ADGRB1: variants seen among roughly 807,000 people sequenced by gnomAD.
ADGRB1 encodes the protein brain-specific angiogenesis inhibitor 1.
ADGRB1 carries 36 observed loss-of-function variants against 175.7 expected under a neutral mutation model. The observed-to-expected ratio is 0.20, with a 90% CI of 0.16 to 0.27. The LOEUF (loss-of-function observed/expected upper bound fraction) is 0.27, where lower values mean the gene tolerates loss of function less well. ADGRB1 is among the 10% of genes least tolerant of loss of function. The pLI, the probability that ADGRB1 is intolerant of heterozygous loss-of-function variation, is 1.00. For synonymous variants in ADGRB1, 1,054 were observed against 979.4 expected (o/e 1.08, Z -1.42); for missense variants, 1,731 against 2,255.3 (o/e 0.77, Z 4.71).
intron 24 of ADGRB1, among the ~76,000 whole-genome samples, chr8:142,531,387 C>T (rs1844614298): frequency 6.6e-6 from 1 of 152,206 alleles, no homozygotes; most frequent in African/African-American, 2.4e-5. Flanking sequence ...GCTGCTGCAG[C>T]CTGGAGGGAG....
At chr8:142,518,548 A>C (rs9802172) in intron 19 of ADGRB1, among the ~76,000 whole-genome samples, 152,312 of 152,312 alleles carry the variant, frequency 1, 76,156 homozygotes, top group Non-Finnish European at 1. Context: ...ACCCTTAGGC[A>C]TGCAGGCCAG....
At chr8:142,488,675 G>A (rs562374091) in intron 14 of ADGRB1, among the ~76,000 whole-genome samples, 168 bp downstream of exon 14, 2 of 152,292 alleles carry the variant, frequency 1.3e-5, no homozygotes, top group South Asian at 2.1e-4. Context: ...CAGGGCCTGC[G>A]GATCAACCCT....
intron 16 of ADGRB1, among the ~76,000 whole-genome samples, chr8:142,490,273 C>T (rs895836885): frequency 6.6e-6 from 1 of 152,240 alleles, no homozygotes; most frequent in African/African-American, 2.4e-5. Context: ...ACCTGAGAGC[C>T]ACCCTCAGGA....
intron 23 of ADGRB1, among the ~76,000 whole-genome samples, chr8:142,524,925 G>A (rs56305277): frequency 6.6e-6 from 1 of 152,060 alleles, no homozygotes; most frequent in Non-Finnish European, 1.5e-5. Context: ...CCAGCTCTGA[G>A]CCCACTCAGC....
Position 142,542,555 on chromosome 8 carries a change from G to T in ADGRB1, c.4321G>T (p.Asp1441Tyr). ...GGAGCCGGCACCCCCCAGCCTGGGG[G>T]ATCCCGGGGAGCCTGCCGCCCATCC... The part of the protein sequence containing the change: ...NLEPAPPSLG[D>Y]PGEPAAHPGP... Residue 1441 changes from aspartate (D) to tyrosine (Y), a missense_variant, in exon 28 of 31, where the codon GAT becomes TAT. Asp to Tyr is a radical substitution (Grantham distance 160). Coordinates refer to ENST00000517894, the MANE Select transcript of ADGRB1 (RefSeq NM_001702.3). The surrounding 1 kb of genome is among the most constrained non-coding windows in gnomAD (Gnocchi z 6.3). 1 of 1,524,636 alleles carries T rather than the reference G, an allele frequency of 6.6e-7. No individual in the cohort carries two copies. 94.4% of individuals were successfully genotyped at this position (1,524,636 alleles called of 1,614,324 possible).
intron 22 of ADGRB1, among the ~76,000 whole-genome samples, chr8:142,523,456 C>G (rs1023002950): frequency 2.6e-5 from 4 of 151,798 alleles, no homozygotes; most frequent in Non-Finnish European, 5.9e-5. Context: ...GGATGTGGCA[C>G]CCCCTTGGAG....
chr8:142,526,692 C>T (rs563815904), intron 24 of ADGRB1, 65 bp downstream of exon 24: 591 of 1,483,898 alleles, frequency 4.0e-4, no homozygotes, highest in Non-Finnish European at 5.1e-4. Context: ...CACCCAGCCC[C>T]GGGGGATGGA....
chr8:142,540,961 C>CCT (rs1845236732), intron 27 of ADGRB1, among the ~76,000 whole-genome samples: 1 of 152,060 alleles, frequency 6.6e-6, no homozygotes, highest in Non-Finnish European at 1.5e-5. Flanking sequence ...CCTGGCTAGG[C>CCT]AGCTTGGGGG....
intron 1 of ADGRB1, among the ~76,000 whole-genome samples, chr8:142,454,459 C>T (rs1269888142): frequency 1.3e-5 from 2 of 152,174 alleles, no homozygotes; most frequent in Admixed American, 1.3e-4. Context: ...ACACGGCACC[C>T]CCGCCCCGCG....
chr8:142,521,741 A>G (rs1012552869), intron 20 of ADGRB1, among the ~76,000 whole-genome samples: 4 of 152,224 alleles, frequency 2.6e-5, no homozygotes, highest in Non-Finnish European at 4.4e-5. Flanking sequence ...GCTGAGAAAG[A>G]TGGGGAGGGA....
At chr8:142,514,863 A>G (rs1384615410) in intron 18 of ADGRB1, among the ~76,000 whole-genome samples, 1 of 151,912 alleles carries the variant, frequency 6.6e-6, no homozygotes, top group Non-Finnish European at 1.5e-5. Flanking sequence ...TCAGAGTATG[A>G]TGGGGGTTCA....
rs1840111747 is a variant in ADGRB1 at position 142,464,108 on chromosome 8, G to GGCCCTGCCCGCC, written c.-87_-76dup. The GGCCCTGCCCGCC allele has an allele frequency of 4.9e-6, 2 of 406,000 alleles. No homozygotes were observed. Among genetic ancestry groups the GGCCCTGCCCGCC allele is most frequent in the African/African-American group, 4.5e-5 (2 of 44,424 alleles). 25.1% of individuals were successfully genotyped at this position (406,000 alleles called of 1,614,324 possible). On this transcript the variant is annotated 5_prime_UTR_variant, in exon 2 of 31. Coordinates refer to ENST00000517894, the MANE Select transcript of ADGRB1 (RefSeq NM_001702.3). Reference sequence around the variant, plus strand: ...CCCGCCTCCCTGCCCCCACCGGGCCGGCCCTGCCCGCCGCCGGACCCTGGC... The same window carrying GGCCCTGCCCGCC: ...CCCGCCTCCCTGCCCCCACCGGGCCGGCCCTGCCCGCCGCCCTGCCCGCCGCCGGACCCTGGC...
intron 9 of ADGRB1, among the ~76,000 whole-genome samples, chr8:142,480,137 G>A (rs771168539): frequency 1.3e-4 from 20 of 152,220 alleles, no homozygotes; most frequent in Non-Finnish European, 2.9e-4. Flanking sequence ...GACAGGAAGA[G>A]GAGGTCTCTG....
In ADGRB1 at chr8:142,537,617, G is replaced by C. The variant is rs1381674026; in HGVS notation, c.3666+535G>C. ...CTCCCTTGTGGCCCCTGGCCATCCT[G>C]CCTTCACCCTCTCTGGGCTCTCTGC... On this transcript the variant is annotated intron_variant, in intron 26 of 30. Transcript: ENST00000517894. This position sits in a 1 kb window ranked among gnomAD's most constrained non-coding sequence, Gnocchi z 4.6. 6.6e-6 allele frequency among the ~76,000 whole-genome samples: 1 copy of C among 151,970 alleles called. No homozygotes were observed. The highest frequency in any genetic ancestry group is 1.5e-5 in the Non-Finnish European group (1 of 67,964).
intron 23 of ADGRB1, 27 bp from the exon 24 acceptor site, chr8:142,526,515 A>ACCCCCCC: frequency 3.6e-6 from 2 of 555,468 alleles, no homozygotes; most frequent in Non-Finnish European, 5.2e-6. Context: ...CCCCACCCCC[A>ACCCCCCC]CACCCCCACC....
At position 142,488,062 on chromosome 8, in the gene ADGRB1, CTGGGCCA is replaced by C. The variant is rs541471649; in HGVS notation, c.2309-298_2309-292del. On this transcript the variant is annotated intron_variant, in intron 13 of 30. Coordinates refer to ENST00000517894, the MANE Select transcript of ADGRB1 (RefSeq NM_001702.3). Reference sequence around the variant, plus strand: ...CCCAGAATCTGCCTTTGACCACCTTCTGGGCCATGGAGGGTGGGAGGGGCAGGCTCCC... The same window carrying C: ...CCCAGAATCTGCCTTTGACCACCTTCTGGAGGGTGGGAGGGGCAGGCTCCC... Among the ~76,000 whole-genome samples, 382 of 152,272 alleles carry C rather than the reference CTGGGCCA, an allele frequency of 2.5e-3. 2 individuals carry two copies. Among genetic ancestry groups the C allele is most frequent in the Non-Finnish European group, 3.6e-3 (246 of 68,010 alleles).
intron 1 of ADGRB1, among the ~76,000 whole-genome samples, chr8:142,454,217 G>A (rs1839525898): frequency 6.6e-6 from 1 of 152,166 alleles, no homozygotes; most frequent in Non-Finnish European, 1.5e-5. Flanking sequence ...CACTGCACAA[G>A]ACGCAGGCCA....
rs966704707 is a variant in ADGRB1 at position 142,455,231 on chromosome 8, C to T, written c.-220+5127C>T. On this transcript the variant is annotated intron_variant, in intron 1 of 30. Coordinates refer to ENST00000517894, the MANE Select transcript of ADGRB1 (RefSeq NM_001702.3). This position sits in a 1 kb window ranked among gnomAD's most constrained non-coding sequence, Gnocchi z 4.9. ...TCCCCAACACCAAAGCCAACAAACA[C>T]CTTCCCCCCATCACTCCCACTCGCC... Among the ~76,000 whole-genome samples, 3 of 151,902 alleles carry T rather than the reference C, an allele frequency of 2.0e-5. No homozygotes were observed. Among genetic ancestry groups the T allele is most frequent in the African/African-American group, 7.3e-5 (3 of 41,332 alleles).
rs1841020362 is a variant in ADGRB1, at chr8:142,477,070, G to A, written c.1058-44G>A. The A allele has an allele frequency of 3.4e-6, 5 of 1,479,372 alleles. No homozygotes were observed. The East Asian group carries it at 1.2e-4, about 36-fold the overall frequency. The allele number at this position is 1,479,372 out of a possible 1,614,324, so 91.6% of individuals were successfully genotyped here. ...GGGGTCTGGCCCCGGTCTGACTGCA[G>A]CCCCATGGGCGGCAGGCCTGTGACG... On this transcript the variant is annotated intron_variant, in intron 4 of 30. Coordinates refer to ENST00000517894, the MANE Select transcript of ADGRB1 (RefSeq NM_001702.3).
Sources: gnomAD v4.1 joint callset for allele counts (sites outside exome capture counted in the v4.1 genomes callset) on GRCh38, gnomAD v4.1.1 for gene constraint, Gnocchi (gnomAD v3.1) non-coding constraint, MANE v1.5 for transcripts, NCBI Gene and HGNC (gene_info 2026-07-23, HGNC 2026-07-21) for gene names.